SDK1: variants seen among roughly 807,000 people sequenced by gnomAD.
SDK1 encodes the protein protein sidekick-1.
A neutral mutation model predicts 245.5 loss-of-function variants in SDK1; 157 were observed. The observed-to-expected ratio is 0.64, with a 90% CI of 0.56 to 0.73. The LOEUF (loss-of-function observed/expected upper bound fraction) is 0.73. SDK1 is among the 30% of genes least tolerant of loss of function. SDK1 has a pLI of 0.00. For synonymous variants in SDK1, 1,647 were observed against 1,278.5 expected (o/e 1.29, Z -6.15); for missense variants, 3,583 against 3,002.3 (o/e 1.19, Z -4.52).
At chr7:3,869,153 C>CTTTTTTTTT in intron 5 of SDK1, among the ~76,000 whole-genome samples, 1 of 117,130 alleles carries the variant, frequency 8.5e-6, no homozygotes, top group South Asian at 2.8e-4. Flanking sequence ...TTTTTCATTT[C>CTTTTTTTTT]TTTTTTTTTT....
At chr7:3,676,527 C>A (rs752863304) in intron 4 of SDK1, among the ~76,000 whole-genome samples, 29 of 151,864 alleles carry the variant, frequency 1.9e-4, no homozygotes, top group South Asian at 4.2e-4. Flanking sequence ...GGGTTTCACC[C>A]TGTTAGCCGG....
In SDK1 at chr7:3,574,746, T is replaced by A. The variant is rs1780231195; in HGVS notation, c.299-44334T>A. Among the ~76,000 whole-genome samples, 4 of 152,100 alleles carry A rather than the reference T, an allele frequency of 2.6e-5. No individual in the cohort carries two copies. In the South Asian group the frequency reaches 8.3e-4, roughly 32 times the overall value. ...GAAATTTAGAAGGAAAACATTTCAT[T>A]TAAAGTTACGAAACAAACCAACTAC... On this transcript the variant is annotated intron_variant, in intron 1 of 44. Coordinates refer to ENST00000404826, the MANE Select transcript of SDK1 (RefSeq NM_152744.4).
At chr7:4,019,518 A>T (rs1352469673) in intron 17 of SDK1, among the ~76,000 whole-genome samples, 2 of 152,082 alleles carry the variant, frequency 1.3e-5, no homozygotes, top group African/African-American at 4.8e-5. Flanking sequence ...GAAATTACTA[A>T]ATTATGCATT....
chr7:3,399,598 C>G (rs773645618), intron 1 of SDK1, among the ~76,000 whole-genome samples: 10 of 152,122 alleles, frequency 6.6e-5, no homozygotes, highest in African/African-American at 1.7e-4. Flanking sequence ...GATAAGGCTG[C>G]TGTTACTTCG....
intron 1 of SDK1, among the ~76,000 whole-genome samples, chr7:3,500,831 A>G (rs1782180256): frequency 6.8e-6 from 1 of 147,266 alleles, no homozygotes; most frequent in South Asian, 2.1e-4. Context: ...TTCATTTTTT[A>G]TTTTTTGACA....
At chr7:3,390,981 GA>G (rs1364266386) in intron 1 of SDK1, among the ~76,000 whole-genome samples, 1 of 152,166 alleles carries the variant, frequency 6.6e-6, no homozygotes, top group Non-Finnish European at 1.5e-5. Flanking sequence ...CTCTTCCACA[GA>G]GCCAATGTCT....
intron 4 of SDK1, among the ~76,000 whole-genome samples, chr7:3,792,078 T>C (rs912121429): frequency 2.0e-5 from 3 of 152,036 alleles, no homozygotes; most frequent in Admixed American, 6.6e-5. Context: ...CAGTGAGTTA[T>C]GAGTGCACCA....
At chr7:3,483,178 A>G (rs1247819341) in intron 1 of SDK1, among the ~76,000 whole-genome samples, 4 of 152,176 alleles carry the variant, frequency 2.6e-5, no homozygotes, top group Admixed American at 2.6e-4. Context: ...ACCTTTATAG[A>G]TTACTTTGTT....
chr7:4,193,504 G>T (rs1483675773), intron 35 of SDK1, among the ~76,000 whole-genome samples: 5 of 150,964 alleles, frequency 3.3e-5, no homozygotes, highest in South Asian at 2.1e-4. Flanking sequence ...GGCAAAAAAG[G>T]TTCATTAGAG....
At chr7:3,593,372 T>G (rs1301046899) in intron 1 of SDK1, among the ~76,000 whole-genome samples, 3 of 152,190 alleles carry the variant, frequency 2.0e-5, no homozygotes, top group Non-Finnish European at 4.4e-5. Flanking sequence ...GGATAGTATG[T>G]GATGCACATG....
chr7:3,990,146 C>A (rs570899154), intron 14 of SDK1, among the ~76,000 whole-genome samples: 1 of 152,378 alleles, frequency 6.6e-6, no homozygotes, highest in South Asian at 2.1e-4. Context: ...TATTTGAGTT[C>A]TGCACCACGC....
intron 32 of SDK1, among the ~76,000 whole-genome samples, chr7:4,162,190 G>C (rs1781177084): frequency 6.6e-6 from 1 of 152,072 alleles, no homozygotes; most frequent in Non-Finnish European, 1.5e-5. Flanking sequence ...GAGGACGTTG[G>C]AGCAAGGCTT....
chr7:3,582,977 C>T (rs998689530), intron 1 of SDK1, among the ~76,000 whole-genome samples: 2 of 152,178 alleles, frequency 1.3e-5, no homozygotes, highest in African/African-American at 4.8e-5. Flanking sequence ...GCATCTAGAA[C>T]TCCGAAGTGT....
intron 35 of SDK1, among the ~76,000 whole-genome samples, chr7:4,196,779 C>G (rs1783603887): frequency 6.6e-6 from 1 of 152,196 alleles, no homozygotes; most frequent in South Asian, 2.1e-4. Flanking sequence ...CCCAGGCACA[C>G]AGATCCTACC....
intron 1 of SDK1, among the ~76,000 whole-genome samples, chr7:3,592,466 A>G (rs961825393): frequency 1.3e-5 from 2 of 152,186 alleles, no homozygotes; most frequent in African/African-American, 4.8e-5. Context: ...CACTCTGCTC[A>G]CTGCCCTTTT....
chr7:4,178,558 G>A lies in SDK1; in HGVS notation c.5070G>A (p.Ala1690=), dbSNP rs200358484. 1.0e-4 allele frequency: 168 copies of A among 1,612,852 alleles called. 1 individual carries two copies. The African/African-American group carries it at 1.5e-3, about 14-fold the overall frequency. The stretch of plus-strand genomic sequence containing the variant: ...TCATCGGCGAGAGCCCAGCCAGCGC[G>A]CCCGTGGAGGTCTTTGTCGGCGAGG... ...YNIIGESPAS[A]PVEVFVGEAA... The change falls in exon 35 of 45, where the codon GCG becomes GCA. Residue 1690 remains alanine, a synonymous_variant. Coordinates refer to ENST00000404826, the MANE Select transcript of SDK1 (RefSeq NM_152744.4).
In SDK1 at chr7:4,169,454, G is replaced by T. The variant is rs914624945; in HGVS notation, c.4801-4768G>T. ...ACTGTGCCCGCCTTGCAGAGGGCCAGCCCTTCTCCCCTCATCAAAAGCCGC... is the reference window on the plus strand; with the variant it reads ...ACTGTGCCCGCCTTGCAGAGGGCCATCCCTTCTCCCCTCATCAAAAGCCGC... On this transcript the variant is annotated intron_variant, in intron 32 of 44. Transcript: ENST00000404826. Among the ~76,000 whole-genome samples the T allele has an allele frequency of 3.9e-5, 6 of 152,296 alleles. No individual in the cohort carries two copies. The South Asian group carries it at 1.0e-3, about 26-fold the overall frequency.
intron 30 of SDK1, among the ~76,000 whole-genome samples, chr7:4,156,286 G>A (rs548240630): frequency 2.0e-5 from 3 of 152,302 alleles, no homozygotes; most frequent in East Asian, 1.9e-4. Flanking sequence ...TTATCACCCA[G>A]ATGAGGCAAA....
intron 13 of SDK1, among the ~76,000 whole-genome samples, chr7:3,986,412 G>A (rs1259670362): frequency 6.6e-6 from 1 of 152,164 alleles, no homozygotes; most frequent in African/African-American, 2.4e-5. Flanking sequence ...TGTGGTCTAA[G>A]AATACATGCA....
Sources: gnomAD v4.1 joint callset for allele counts (sites outside exome capture counted in the v4.1 genomes callset) on GRCh38, gnomAD v4.1.1 for gene constraint, MANE v1.5 for transcripts, NCBI Gene and HGNC (gene_info 2026-07-23, HGNC 2026-07-21) for gene names.